The following NEXN variants were observed in gnomAD, a reference collection of about 807,000 sequenced individuals.
NEXN encodes the protein nexilin F-actin binding protein, also known as nexilin.
A neutral mutation model predicts 92.6 loss-of-function variants in NEXN; 65 were observed. The observed-to-expected ratio is 0.70, with a 90% confidence interval of 0.57 to 0.86. The LOEUF (loss-of-function observed/expected upper bound fraction) is 0.86. Ranked by LOEUF, NEXN falls within the 40% of genes least tolerant of loss-of-function variation. The probability of loss-of-function intolerance (pLI) is 0.00; values close to 1 mark genes in which losing one functional copy is unlikely to be tolerated. For missense variants in NEXN, 778 were observed against 771.1 expected (o/e 1.01, Z -0.11); for synonymous variants, 254 against 242.5 (o/e 1.05, Z -0.44).
chr1:77,911,522 G>T lies in NEXN; in HGVS notation c.-52-4533G>T, dbSNP rs183008171. 2.5e-3 allele frequency among the ~76,000 whole-genome samples: 376 copies of T among 151,938 alleles called. 1 individual carries two copies. The highest frequency in any genetic ancestry group is 3.9e-3 in the Non-Finnish European group (268 of 67,938). Reference sequence around the variant, plus strand: ...CAGGAGAATCGCTTGAACCCAGGAGGTGGAGGTTGCAGTGAGCCGAGATTG... The same window carrying T: ...CAGGAGAATCGCTTGAACCCAGGAGTTGGAGGTTGCAGTGAGCCGAGATTG... On this transcript the variant is annotated intron_variant, in intron 1 of 12. Transcript: ENST00000334785.
At chr1:77,937,123 T>C (rs1437500471) in intron 11 of NEXN, among the ~76,000 whole-genome samples, 1 of 150,288 alleles carries the variant, frequency 6.7e-6, no homozygotes, top group East Asian at 2.0e-4. Flanking sequence ...CTGGGCAACA[T>C]GGCAAAACCG....
chr1:77,904,653 C>T (rs1647971205), intron 1 of NEXN, among the ~76,000 whole-genome samples: 1 of 152,130 alleles, frequency 6.6e-6, no homozygotes, highest in African/African-American at 2.4e-5. Flanking sequence ...ACCATGCGTA[C>T]AGAGGAAAAT....
At chr1:77,939,932 G>A (rs1270528067) in intron 11 of NEXN, among the ~76,000 whole-genome samples, 1 of 152,060 alleles carries the variant, frequency 6.6e-6, no homozygotes, top group Non-Finnish European at 1.5e-5. Flanking sequence ...AAATTAGCCG[G>A]GCGTGGTGGC....
At position 77,942,021 on chromosome 1, in the gene NEXN, AG is replaced by A. The variant is rs1401017237; in HGVS notation, c.1474del. The A allele has an allele frequency of 1.2e-6, 2 of 1,612,016 alleles. No homozygotes were observed. The highest frequency in any genetic ancestry group is 2.2e-5 in the East Asian group (1 of 44,790). ...TGTTAATCTTGGCCCACTTTCTTGC[AG>A]GAAGATGATGTTGATGTTAGGCCTG... On this transcript the variant is annotated splice_acceptor_variant, in intron 11 of 12. Transcript: ENST00000334785. LOFTEE classifies it high-confidence loss of function.
intron 8 of NEXN, among the ~76,000 whole-genome samples, chr1:77,927,511 A>G (rs925033650): frequency 6.6e-6 from 1 of 152,118 alleles, no homozygotes; most frequent in African/African-American, 2.4e-5. Flanking sequence ...GTTTGAACAT[A>G]TCAAAATAAC....
chr1:77,928,216 C>T (rs1332451481), intron 8 of NEXN, among the ~76,000 whole-genome samples: 3 of 150,518 alleles, frequency 2.0e-5, no homozygotes, highest in Non-Finnish European at 4.4e-5. Context: ...GGTGCTGAGG[C>T]GAGAGGATTG....
Position 77,926,863 on chromosome 1 carries a change from C to A in NEXN, c.835C>A (p.Arg279Ser), listed in dbSNP as rs146245480. The A allele has an allele frequency of 1.3e-5, 21 of 1,613,744 alleles. No individual in the cohort carries two copies. Among genetic ancestry groups the A allele is most frequent in the Non-Finnish European group, 1.8e-5 (21 of 1,179,968 alleles). ...EARKRLEEEK[R>S]AFEEARRQMV... Reference sequence around the variant, plus strand: ...AAGAAAACGTTTAGAAGAAGAGAAGCGTGCTTTTGAAGAAGCAAGGCGGCA... The same window carrying A: ...AAGAAAACGTTTAGAAGAAGAGAAGAGTGCTTTTGAAGAAGCAAGGCGGCA... The change falls in exon 8 of 13, where the codon CGT becomes AGT. Residue 279 changes from arginine (R) to serine (S), a missense_variant. By Grantham distance (110) the Arg-to-Ser change is moderately radical (BLOSUM62 -1). Coordinates refer to ENST00000334785, the MANE Select transcript of NEXN (RefSeq NM_144573.4).
rs746764305 is a variant in NEXN at position 77,942,857 on chromosome 1, AT to A, written c.*37del. On this transcript the variant is annotated 3_prime_UTR_variant, in exon 13 of 13. Transcript: ENST00000334785. Reference sequence around the variant, plus strand: ...ACTCTTTTTATCTTTTATTCTATTAATTTTTTTTTCCTTAAAATCACTTTTC... The same window carrying A: ...ACTCTTTTTATCTTTTATTCTATTAATTTTTTTTCCTTAAAATCACTTTTC... 102 of 1,559,232 alleles carry A rather than the reference AT, an allele frequency of 6.5e-5. No individual in the cohort carries two copies. Among genetic ancestry groups the A allele is most frequent in the African/African-American group, 4.6e-4 (33 of 72,450 alleles).
In NEXN at chr1:77,926,894, T is replaced by C; in HGVS notation, c.864+2T>C. 1 of 1,613,842 alleles carries C rather than the reference T, an allele frequency of 6.2e-7. No homozygotes were observed. Among genetic ancestry groups the C allele is most frequent in the Non-Finnish European group, 8.5e-7 (1 of 1,179,988 alleles). On this transcript the variant is annotated splice_donor_variant, in intron 8 of 12. Transcript: ENST00000334785. LOFTEE classifies it high-confidence loss of function. The stretch of plus-strand genomic sequence containing the variant: ...TTTGAAGAAGCAAGGCGGCAAATGG[T>C]AAATCTACATATTTAAACCTTACAA...
At chr1:77,941,664 C>A in intron 11 of NEXN, 1 of 303,676 alleles carries the variant, frequency 3.3e-6, no homozygotes, top group Non-Finnish European at 6.3e-6. Flanking sequence ...ATGGTATGGA[C>A]TTACAGGAAT....
chr1:77,941,236 CA>C (rs952839152), intron 11 of NEXN, among the ~76,000 whole-genome samples: 1 of 99,380 alleles, frequency 1.0e-5, no homozygotes, highest in Admixed American at 1.1e-4. Flanking sequence ...AGTTAGAAAC[CA>C]AAAGTCAAGA....
intron 11 of NEXN, 52 bp from the exon 12 acceptor site, chr1:77,941,971 T>G (rs1651354904): frequency 6.4e-7 from 1 of 1,560,278 alleles, no homozygotes; most frequent in Non-Finnish European, 8.8e-7. Context: ...TAGTAACGCT[T>G]CTTTGTTTTT....
In NEXN at chr1:77,925,245, C is replaced by G; in HGVS notation, c.489+16C>G. The G allele has an allele frequency of 6.4e-7, 1 of 1,573,276 alleles. No individual in the cohort carries two copies. The highest frequency in any genetic ancestry group is 8.7e-7 in the Non-Finnish European group (1 of 1,145,334). On this transcript the variant is annotated intron_variant, in intron 6 of 12. Coordinates refer to ENST00000334785, the MANE Select transcript of NEXN (RefSeq NM_144573.4). ...AGCATCAGAGGTAAACAGACATTTC[C>G]TTTAATGAAACATTCACCTAAAATT...
At chr1:77,920,110 A>G (rs925438535) in intron 5 of NEXN, among the ~76,000 whole-genome samples, 1 of 152,230 alleles carries the variant, frequency 6.6e-6, no homozygotes. Flanking sequence ...CATGTTGGCC[A>G]GGCTGGTCTT....
Position 77,943,849 on chromosome 1 carries a change from T to A in NEXN, c.*1020T>A, listed in dbSNP as rs150511446. On this transcript the variant is annotated 3_prime_UTR_variant, in exon 13 of 13. Transcript: ENST00000334785. The stretch of plus-strand genomic sequence containing the variant: ...ATATTTTAATTTTCTGGAAGACAAT[T>A]TTATTTTACAACGTGAACCCAAATA... 799 of 154,512 alleles carry A rather than the reference T, an allele frequency of 5.2e-3. 5 individuals carry two copies. The highest frequency in any genetic ancestry group is 0.018 in the African/African-American group (748 of 41,650). 9.6% of individuals were successfully genotyped at this position (154,512 alleles called of 1,614,324 possible).
intron 1 of NEXN, among the ~76,000 whole-genome samples, chr1:77,897,139 C>A (rs1355871073): frequency 6.6e-6 from 1 of 152,198 alleles, no homozygotes; most frequent in African/African-American, 2.4e-5. Flanking sequence ...AAAAGAGGGA[C>A]TCCTCTCTAA....
chr1:77,937,339 T>C lies in NEXN; in HGVS notation c.1473+1295T>C, dbSNP rs571375258. On this transcript the variant is annotated intron_variant, in intron 11 of 12. Coordinates refer to ENST00000334785, the MANE Select transcript of NEXN (RefSeq NM_144573.4). ...AAGCATGGATATTGTCAGACAGATA[T>C]TGTCTATATAGCTGGATCATGCTGA... Among the ~76,000 whole-genome samples the C allele has an allele frequency of 9.8e-4, 149 of 152,046 alleles. 1 individual carries two copies. The highest frequency in any genetic ancestry group is 3.4e-3 in the African/African-American group (140 of 41,458).
intron 1 of NEXN, among the ~76,000 whole-genome samples, chr1:77,909,518 T>C (rs1648397749): frequency 6.6e-6 from 1 of 152,208 alleles, no homozygotes; most frequent in African/African-American, 2.4e-5. Context: ...GTGCTATTTA[T>C]TATTTTTATC....
intron 1 of NEXN, among the ~76,000 whole-genome samples, chr1:77,908,896 G>T (rs544291301): frequency 6.6e-6 from 1 of 152,228 alleles, no homozygotes; most frequent in East Asian, 1.9e-4. Context: ...TTTGAAATTT[G>T]GATTTAGGTC....
Sources: allele counts gnomAD v4.1 joint callset (sites outside exome capture counted in the v4.1 genomes callset), GRCh38; gene constraint gnomAD v4.1.1; transcripts MANE v1.5; gene names NCBI Gene and HGNC (gene_info 2026-07-23, HGNC 2026-07-21).